FSTL4: variants seen among roughly 807,000 people sequenced by gnomAD.
FSTL4 encodes follistatin-related protein 4.
Under a neutral mutation model 78.2 loss-of-function variants are expected in FSTL4, and 28 were observed. The ratio of observed to expected loss-of-function variants is 0.36; its 90% CI spans 0.27 to 0.49. The LOEUF is 0.49. Ranked by LOEUF, FSTL4 falls within the 20% of genes least tolerant of loss-of-function variation. FSTL4 has a pLI of 0.98. For synonymous variants in FSTL4, 422 were observed against 440.5 expected (o/e 0.96, Z 0.53); for missense variants, 922 against 1,084.9 (o/e 0.85, Z 2.11).
At chr5:133,356,465 C>T (rs572028595) in intron 4 of FSTL4, among the ~76,000 whole-genome samples, 10 of 152,266 alleles carry the variant, frequency 6.6e-5, no homozygotes, top group African/African-American at 2.2e-4. Flanking sequence ...ATGGCCAGGG[C>T]CAAGTTTTAG....
At chr5:133,224,877 C>T (rs1751275144) in intron 10 of FSTL4, among the ~76,000 whole-genome samples, 1 of 152,050 alleles carries the variant, frequency 6.6e-6, no homozygotes, top group African/African-American at 2.4e-5. Context: ...AGAGCTGGGA[C>T]TCGACTATTT....
At chr5:133,829,568 G>A in the FSTL4 span, among the ~76,000 whole-genome samples, 1 of 152,220 alleles carries the variant, frequency 6.6e-6, no homozygotes, top group African/African-American at 2.4e-5. Context: ...AGACACAGTT[G>A]CCAACACTCA....
chr5:133,265,953 C>G (rs1310264875), intron 6 of FSTL4, among the ~76,000 whole-genome samples: 1 of 152,182 alleles, frequency 6.6e-6, no homozygotes, highest in Non-Finnish European at 1.5e-5. Flanking sequence ...TGTCAAATGG[C>G]TCCAACCAAA....
At chr5:133,368,355 C>A (rs113230058) in intron 4 of FSTL4, among the ~76,000 whole-genome samples, 1 of 152,212 alleles carries the variant, frequency 6.6e-6, no homozygotes, top group South Asian at 2.1e-4. Context: ...TATTGTCACA[C>A]ACCAGTGCTG....
the FSTL4 span, among the ~76,000 whole-genome samples, chr5:133,795,672 T>G: frequency 6.6e-6 from 1 of 152,240 alleles, no homozygotes. Context: ...CAGAGCATCT[T>G]AGAAGACTCT....
intron 4 of FSTL4, among the ~76,000 whole-genome samples, chr5:133,353,812 C>T (rs1754882441): frequency 6.6e-6 from 1 of 152,236 alleles, no homozygotes; most frequent in African/African-American, 2.4e-5. Context: ...CACCACGGGC[C>T]TCTGGGTTGC....
chr5:133,485,914 C>T (rs1422045861), intron 3 of FSTL4, among the ~76,000 whole-genome samples: 1 of 152,216 alleles, frequency 6.6e-6, no homozygotes, highest in African/African-American at 2.4e-5. Context: ...AACAAACTCT[C>T]CTTCAAGTGG....
At chr5:133,385,034 C>T (rs1424991612) in intron 4 of FSTL4, among the ~76,000 whole-genome samples, 14 of 152,180 alleles carry the variant, frequency 9.2e-5, no homozygotes, top group Admixed American at 9.2e-4. Flanking sequence ...CCTTCCATAA[C>T]AGACTGGACG....
At chr5:133,572,769 T>A (rs1416721387) in intron 2 of FSTL4, among the ~76,000 whole-genome samples, 1 of 152,120 alleles carries the variant, frequency 6.6e-6, no homozygotes, top group South Asian at 2.1e-4. Context: ...TGTTATAATG[T>A]CCTAGTACTG....
upstream of FSTL4, among the ~76,000 whole-genome samples, chr5:133,615,195 C>T (rs548451509): frequency 3.0e-4 from 45 of 152,336 alleles, no homozygotes; most frequent in Admixed American, 6.5e-4. Context: ...CTAGGCTGGT[C>T]AAACAGTGCC....
At chr5:133,709,588 G>A in the FSTL4 span, among the ~76,000 whole-genome samples, 1 of 152,244 alleles carries the variant, frequency 6.6e-6, no homozygotes, top group Non-Finnish European at 1.5e-5. Context: ...GCATTTCAGA[G>A]CAGGCTACAA....
intron 8 of FSTL4, among the ~76,000 whole-genome samples, chr5:133,227,916 T>C (rs1751382420): frequency 1.3e-5 from 2 of 152,222 alleles, no homozygotes; most frequent in Non-Finnish European, 2.9e-5. Context: ...AAAGTCTCAG[T>C]GAAATGGATC....
At chr5:133,441,671 G>A (rs1450328694) in intron 3 of FSTL4, among the ~76,000 whole-genome samples, 1 of 152,216 alleles carries the variant, frequency 6.6e-6, no homozygotes, top group Non-Finnish European at 1.5e-5. Flanking sequence ...GAGATGGCTG[G>A]TGGCAAGGTC....
chr5:133,367,520 T>A (rs1755205018), intron 4 of FSTL4, among the ~76,000 whole-genome samples: 1 of 152,204 alleles, frequency 6.6e-6, no homozygotes, highest in African/African-American at 2.4e-5. Flanking sequence ...CCCTGGGATT[T>A]TAGGACAGCA....
chr5:133,639,678 A>G, the FSTL4 span, among the ~76,000 whole-genome samples: 1 of 152,192 alleles, frequency 6.6e-6, no homozygotes, highest in Admixed American at 6.5e-5. Flanking sequence ...GGGAAGGGCA[A>G]TGGGTGCAGA....
At chr5:133,482,767 T>C (rs148948812) in intron 3 of FSTL4, among the ~76,000 whole-genome samples, 65 of 152,298 alleles carry the variant, frequency 4.3e-4, no homozygotes, top group Admixed American at 7.8e-4. Context: ...GCAGGGGCTC[T>C]GAGATCCCTC....
chr5:133,710,674 A>G, the FSTL4 span, among the ~76,000 whole-genome samples: 3 of 152,228 alleles, frequency 2.0e-5, no homozygotes, highest in Non-Finnish European at 2.9e-5. Context: ...GAGCTGGTTA[A>G]AAAGCATGAC....
At chr5:133,557,273 C>G (rs895230337) in intron 3 of FSTL4, among the ~76,000 whole-genome samples, 8 of 152,162 alleles carry the variant, frequency 5.3e-5, no homozygotes, top group African/African-American at 1.7e-4. Flanking sequence ...GAGAGCACCT[C>G]CCCCCTGAAA....
At chr5:133,556,043 G>A (rs564000169) in intron 3 of FSTL4, among the ~76,000 whole-genome samples, 2 of 152,272 alleles carry the variant, frequency 1.3e-5, no homozygotes, top group East Asian at 1.9e-4. Flanking sequence ...ACAGCTCCCC[G>A]AGATGGGAGG....
Sources: gnomAD v4.1 joint callset for allele counts (sites outside exome capture counted in the v4.1 genomes callset) on GRCh38, gnomAD v4.1.1 for gene constraint, MANE v1.5 for transcripts, NCBI Gene and HGNC (gene_info 2026-07-23, HGNC 2026-07-21) for gene names.